Variants in CTDSPL2 observed in about 807,000 individuals in gnomAD.
The protein encoded by CTDSPL2 is CTD small phosphatase like 2.
In CTDSPL2, 5 loss-of-function variants were observed where a neutral mutation model predicts 60.0. The ratio of observed to expected loss-of-function variants is 0.08; its 90% CI spans 0.04 to 0.18. CTDSPL2 has a LOEUF of 0.18. Ranked by LOEUF, CTDSPL2 falls within the 10% of genes least tolerant of loss-of-function variation. The pLI is 1.00. For synonymous variants in CTDSPL2, 186 were observed against 189.3 expected (o/e 0.98, Z 0.14); for missense variants, 370 against 548.8 (o/e 0.67, Z 3.26).
At chr15:44,450,261 A>C (rs2080307455) in intron 1 of CTDSPL2, among the ~76,000 whole-genome samples, 1 of 152,120 alleles carries the variant, frequency 6.6e-6, no homozygotes, top group African/African-American at 2.4e-5. Flanking sequence ...AAACATTTAA[A>C]TATTAAAAAT....
intron 10 of CTDSPL2, among the ~76,000 whole-genome samples, chr15:44,517,921 C>T (rs1458033929): frequency 6.6e-6 from 1 of 152,126 alleles, no homozygotes; most frequent in Non-Finnish European, 1.5e-5. Context: ...CTAAACTTTC[C>T]CGGGGCCAGA....
At chr15:44,456,504 T>A (rs574457847) in intron 1 of CTDSPL2, among the ~76,000 whole-genome samples, 1 of 152,342 alleles carries the variant, frequency 6.6e-6, no homozygotes, top group Non-Finnish European at 1.5e-5. Flanking sequence ...ATCCATTTCT[T>A]CTAGATTTTC....
At chr15:44,461,183 T>C (rs1168043402) in intron 2 of CTDSPL2, among the ~76,000 whole-genome samples, 1 of 152,222 alleles carries the variant, frequency 6.6e-6, no homozygotes, top group Non-Finnish European at 1.5e-5. Flanking sequence ...GTTTTTGTTA[T>C]GTCTTCAGAA....
At chr15:44,442,879 G>A (rs1350796652) in intron 1 of CTDSPL2, among the ~76,000 whole-genome samples, 1 of 152,046 alleles carries the variant, frequency 6.6e-6, no homozygotes, top group Admixed American at 6.6e-5. Context: ...TGTAGGCTGA[G>A]GTGCGAAGAT....
intron 8 of CTDSPL2, chr15:44,501,923 C>G (rs2081387614): frequency 2.3e-6 from 1 of 441,532 alleles, no homozygotes; most frequent in African/African-American, 2.0e-5. Context: ...GACCAGCAAG[C>G]TCCCTTTAAA....
intron 1 of CTDSPL2, chr15:44,447,958 C>T: frequency 5.4e-6 from 1 of 185,438 alleles, no homozygotes; most frequent in Non-Finnish European, 1.1e-5. Context: ...ATGACGGGAC[C>T]CATGCACTCA....
intron 1 of CTDSPL2, among the ~76,000 whole-genome samples, chr15:44,433,597 C>G (rs2079909187): frequency 6.6e-6 from 1 of 151,880 alleles, no homozygotes; most frequent in African/African-American, 2.4e-5. Flanking sequence ...ATTGTCCTGC[C>G]TCAGCCTCCT....
Position 44,490,892 on chromosome 15 carries a change from C to T in CTDSPL2, c.584C>T (p.Thr195Ile). ...ATCACTACCAGTACTACTACATCAA[C>T]TAATGGAGCAGCTTACTCAAATCAA... Reference protein sequence around the residue: ...DEITTSTTTSTNGAAYSNQAV... With the variant: ...DEITTSTTTSINGAAYSNQAV... Residue 195 changes from threonine to isoleucine, a missense_variant, in exon 5 of 13, where the codon ACT (threonine) becomes ATT (isoleucine). Physicochemically the swap from Thr to Ile is moderately conservative, Grantham distance 89. This residue lies in a region of CTDSPL2 where 287 missense variants were observed against 296.1 expected (regional missense o/e 0.97). Coordinates refer to ENST00000260327, the MANE Select transcript of CTDSPL2 (RefSeq NM_016396.3). The T allele has an allele frequency of 6.2e-7, 1 of 1,613,966 alleles. No homozygotes were observed. The highest frequency in any genetic ancestry group is 8.5e-7 in the Non-Finnish European group (1 of 1,179,902).
chr15:44,475,913 A>G (rs1297962415), intron 2 of CTDSPL2, among the ~76,000 whole-genome samples: 2 of 152,194 alleles, frequency 1.3e-5, no homozygotes, highest in East Asian at 1.9e-4. Context: ...TGACAATTGC[A>G]TCAAGAGTCT....
At chr15:44,500,108 A>G (rs1366312898) in intron 8 of CTDSPL2, among the ~76,000 whole-genome samples, 1 of 152,212 alleles carries the variant, frequency 6.6e-6, no homozygotes, top group Non-Finnish European at 1.5e-5. Context: ...ATAGATCCTC[A>G]AGAGGAACTT....
rs140567033 is a variant in CTDSPL2, at chr15:44,487,838, G to A, written c.475+1138G>A. On this transcript the variant is annotated intron_variant, in intron 4 of 12. Coordinates refer to ENST00000260327, the MANE Select transcript of CTDSPL2 (RefSeq NM_016396.3). ...TATTAAGAAAGTAAAGGAATAGGCC[G>A]GGCACCGTGGCTTATACCTGTAATC... 1.5e-3 allele frequency among the ~76,000 whole-genome samples: 231 copies of A among 152,182 alleles called. 1 individual carries two copies. In the East Asian group the frequency reaches 0.04, roughly 26 times the overall value.
At chr15:44,515,878 A>T (rs2081642761) in intron 10 of CTDSPL2, among the ~76,000 whole-genome samples, 1 of 152,260 alleles carries the variant, frequency 6.6e-6, no homozygotes, top group East Asian at 1.9e-4. Flanking sequence ...CATCTCAAAA[A>T]AAAAGACTTT....
At chr15:44,518,975 G>A (rs2081708314) in intron 10 of CTDSPL2, 194 bp from the exon 11 acceptor site, 1 of 350,026 alleles carries the variant, frequency 2.9e-6, no homozygotes, top group Non-Finnish European at 5.2e-6. Context: ...TTGGTTGTAA[G>A]CTTTCAGTAA....
At chr15:44,500,923 T>C (rs1039548378) in intron 8 of CTDSPL2, among the ~76,000 whole-genome samples, 1 of 152,206 alleles carries the variant, frequency 6.6e-6, no homozygotes, top group Non-Finnish European at 1.5e-5. Flanking sequence ...CTGATTTTAG[T>C]CCTGATGTAT....
At chr15:44,453,897 T>G (rs1457446957) in intron 1 of CTDSPL2, among the ~76,000 whole-genome samples, 6 of 152,214 alleles carry the variant, frequency 3.9e-5, no homozygotes, top group African/African-American at 7.2e-5. Flanking sequence ...CGTGTGCATG[T>G]GTCTTTATAG....
intron 7 of CTDSPL2, among the ~76,000 whole-genome samples, chr15:44,498,285 A>G (rs1367930470): frequency 6.6e-6 from 1 of 152,180 alleles, no homozygotes; most frequent in Non-Finnish European, 1.5e-5. Context: ...GGTACCCTAT[A>G]TTTGGAGATG....
intron 2 of CTDSPL2, 52 bp from the exon 3 acceptor site, chr15:44,484,172 G>A (rs1164164427): frequency 3.3e-6 from 5 of 1,495,492 alleles, no homozygotes; most frequent in Non-Finnish European, 4.5e-6. Flanking sequence ...ATTGTAACCT[G>A]TAAGGCAGAA....
intron 1 of CTDSPL2, among the ~76,000 whole-genome samples, chr15:44,442,495 G>A: frequency 6.6e-6 from 1 of 151,402 alleles, no homozygotes; most frequent in East Asian, 1.9e-4. Flanking sequence ...GAATTAAGAT[G>A]AAGTATTTTA....
At chr15:44,495,040 C>T (rs1350648099) in intron 5 of CTDSPL2, among the ~76,000 whole-genome samples, 2 of 152,168 alleles carry the variant, frequency 1.3e-5, no homozygotes, top group South Asian at 2.1e-4. Context: ...GACACAATCT[C>T]GGCTCACTGC....
Sources: gnomAD v4.1 joint callset for allele counts (sites outside exome capture counted in the v4.1 genomes callset) on GRCh38, gnomAD v4.1.1 for gene constraint, gnomAD v4.1.1 regional missense constraint, MANE v1.5 for transcripts, NCBI Gene and HGNC (gene_info 2026-07-23, HGNC 2026-07-21) for gene names.